Variants in COL26A1 observed in about 807,000 individuals in gnomAD.
The protein encoded by COL26A1 is collagen alpha-1(XXVI) chain.
A neutral mutation model predicts 59.3 loss-of-function variants in COL26A1; 41 were observed. The ratio of observed to expected loss-of-function variants is 0.69; its 90% CI spans 0.54 to 0.90. COL26A1 has a LOEUF of 0.90. Among genes scored for constraint, COL26A1 ranks in the 40% least tolerant of loss-of-function variants. The pLI, the probability that COL26A1 is intolerant of heterozygous loss-of-function variation, is 0.00. For missense variants in COL26A1, 612 were observed against 602.3 expected (o/e 1.02, Z -0.17); for synonymous variants, 266 against 256.0 (o/e 1.04, Z -0.37).
intron 1 of COL26A1, among the ~76,000 whole-genome samples, chr7:101,401,019 G>T (rs1389971657): frequency 1.3e-5 from 2 of 152,200 alleles, no homozygotes; most frequent in African/African-American, 4.8e-5. Flanking sequence ...ACAGCAGCAC[G>T]TCTGCACAGG....
In COL26A1 at chr7:101,545,500, GCCC is replaced by G; in HGVS notation, c.856+12_856+14del. 1 of 1,594,522 alleles carries G rather than the reference GCCC, an allele frequency of 6.3e-7. No individual in the cohort carries two copies. The highest frequency in any genetic ancestry group is 1.8e-5 in the Admixed American group (1 of 55,020). ...CCTACAGACAAAGACAGTGAGTAAT[GCCC>G]CTGGGGGGCCAAGGGAGGGCTGAGC... On this transcript the variant is annotated intron_variant, in intron 7 of 12. Transcript: ENST00000313669.
chr7:101,410,703 G>A (rs950259759), intron 1 of COL26A1, among the ~76,000 whole-genome samples: 2 of 151,904 alleles, frequency 1.3e-5, no homozygotes, highest in Non-Finnish European at 1.5e-5. Flanking sequence ...GTGTGTGTGT[G>A]TGTGTGTGTT....
chr7:101,489,649 C>CTTTCTTTCTT (rs1794348263), intron 3 of COL26A1, among the ~76,000 whole-genome samples: 1 of 74,570 alleles, frequency 1.3e-5, no homozygotes, highest in Admixed American at 1.2e-4. Flanking sequence ...TTCTTTCTTT[C>CTTTCTTTCTT]TTTCTTTCTT....
At chr7:101,481,518 A>G (rs900129120) in intron 3 of COL26A1, among the ~76,000 whole-genome samples, 12 of 151,208 alleles carry the variant, frequency 7.9e-5, no homozygotes, top group Non-Finnish European at 1.0e-4. Flanking sequence ...TGGCACGGTC[A>G]TAGCTCACTG....
Position 101,367,907 on chromosome 7 carries a change from A to T in COL26A1, c.158+4717A>T, listed in dbSNP as rs372857863. ...TGTTACGGCAACCTTGAGCTGACTA[A>T]CAGAAGGATGTGGCTTTATTCTGGA... is the stretch of plus-strand genomic sequence containing the variant. On this transcript the variant is annotated intron_variant, in intron 1 of 12. Coordinates refer to ENST00000313669, the MANE Select transcript of COL26A1 (RefSeq NM_001278563.3). 2.0e-4 allele frequency among the ~76,000 whole-genome samples: 30 copies of T among 152,320 alleles called. No homozygotes were observed. The East Asian group carries it at 2.3e-3, about 12-fold the overall frequency.
At chr7:101,483,064 TACAAC>T (rs1220939680) in intron 3 of COL26A1, among the ~76,000 whole-genome samples, 2 of 152,180 alleles carry the variant, frequency 1.3e-5, no homozygotes, top group Non-Finnish European at 2.9e-5. Flanking sequence ...CTCAACCTCT[TACAAC>T]TTAACTGGTG....
chr7:101,488,510 G>T (rs547005784), intron 3 of COL26A1, among the ~76,000 whole-genome samples: 1 of 149,714 alleles, frequency 6.7e-6, no homozygotes, highest in Non-Finnish European at 1.5e-5. Flanking sequence ...TGAGTAGCTG[G>T]GATTATAGGT....
At chr7:101,472,057 T>C (rs572818348) in intron 3 of COL26A1, among the ~76,000 whole-genome samples, 12 of 152,156 alleles carry the variant, frequency 7.9e-5, no homozygotes, top group Admixed American at 7.2e-4. Flanking sequence ...CAGGCTGGAG[T>C]GCAGTGGTAT....
intron 3 of COL26A1, among the ~76,000 whole-genome samples, chr7:101,488,349 A>AAT (rs368433793): frequency 0.056 from 5,835 of 104,716 alleles, 176 homozygotes; most frequent in East Asian, 0.1. Context: ...AATTTTATTT[A>AAT]ATATATATAT....
chr7:101,398,175 G>A (rs1403872053), intron 1 of COL26A1, among the ~76,000 whole-genome samples: 1 of 152,164 alleles, frequency 6.6e-6, no homozygotes, highest in Non-Finnish European at 1.5e-5. Flanking sequence ...ATCCCATGCT[G>A]CTTCCATTCT....
intron 1 of COL26A1, among the ~76,000 whole-genome samples, chr7:101,377,058 C>T (rs1161700912): frequency 6.6e-6 from 1 of 152,074 alleles, no homozygotes; most frequent in African/African-American, 2.4e-5. Context: ...AGAGTTTTAC[C>T]ATGTTTGCCA....
chr7:101,392,159 A>G (rs1355114284), intron 1 of COL26A1, among the ~76,000 whole-genome samples: 2 of 152,082 alleles, frequency 1.3e-5, no homozygotes, highest in South Asian at 2.1e-4. Context: ...TAGAGATTTC[A>G]CTGCAGAGGT....
At chr7:101,416,508 T>G (rs2130260527) in intron 1 of COL26A1, among the ~76,000 whole-genome samples, 1 of 143,850 alleles carries the variant, frequency 7.0e-6, no homozygotes, top group African/African-American at 2.5e-5. Flanking sequence ...CTTTGTTCTT[T>G]TTTGATCATG....
intron 1 of COL26A1, among the ~76,000 whole-genome samples, chr7:101,372,218 T>C (rs996300240): frequency 3.3e-5 from 5 of 151,888 alleles, no homozygotes; most frequent in African/African-American, 4.8e-5. Context: ...CAGGCTGGAG[T>C]GCAGTGGTGC....
chr7:101,545,681 G>A (rs1460225576), intron 7 of COL26A1, among the ~76,000 whole-genome samples, 191 bp downstream of exon 7: 1 of 152,218 alleles, frequency 6.6e-6, no homozygotes, highest in East Asian at 1.9e-4. Context: ...CAGTGACGAT[G>A]ACAGGGAACA....
chr7:101,414,432 T>TTGTGTGTGTGTGTGTGTG (rs34282686), intron 1 of COL26A1, among the ~76,000 whole-genome samples: 357 of 146,270 alleles, frequency 2.4e-3, no homozygotes, highest in African/African-American at 8.5e-3. Context: ...CACTCTGTGT[T>TTGTGTGTGTGTGTGTGTG]TGTGTGTGTG....
rs536837907 is a variant in COL26A1, at chr7:101,506,802, C to G, written c.386-26280C>G. 2.6e-4 allele frequency among the ~76,000 whole-genome samples: 39 copies of G among 152,342 alleles called. 1 individual carries two copies. The highest frequency in any genetic ancestry group is 7.9e-4 in the African/African-American group (33 of 41,586). On this transcript the variant is annotated intron_variant, in intron 3 of 12. Transcript: ENST00000313669. ...GTGCTGTTATTTTGCATGGATTGGT[C>G]ACAAGCTGAGATTCATACCTTTCTG...
chr7:101,400,885 T>C (rs1447341497), intron 1 of COL26A1, among the ~76,000 whole-genome samples: 2 of 152,110 alleles, frequency 1.3e-5, no homozygotes, highest in African/African-American at 4.8e-5. Flanking sequence ...CTTCACTTGT[T>C]CATTCAGTAA....
intron 2 of COL26A1, among the ~76,000 whole-genome samples, chr7:101,442,747 C>G (rs573975103): frequency 6.6e-6 from 1 of 151,994 alleles, no homozygotes; most frequent in Non-Finnish European, 1.5e-5. Flanking sequence ...TTTATCCAAG[C>G]GTGTGAATAG....
Sources: allele counts gnomAD v4.1 joint callset (sites outside exome capture counted in the v4.1 genomes callset), GRCh38; gene constraint gnomAD v4.1.1; transcripts MANE v1.5; gene names NCBI Gene and HGNC (gene_info 2026-07-23, HGNC 2026-07-21).